DOCK3: variants seen among roughly 807,000 people sequenced by gnomAD.
DOCK3 encodes dedicator of cytokinesis protein 3.
DOCK3 carries 60 observed loss-of-function variants against 265.6 expected under a neutral mutation model. The observed-to-expected ratio is 0.23, with a 90% CI of 0.18 to 0.28. The LOEUF (loss-of-function observed/expected upper bound fraction) is 0.28. DOCK3 is among the 10% of genes least tolerant of loss of function. DOCK3 has a pLI of 1.00. For synonymous variants in DOCK3, 881 were observed against 938.0 expected, an observed-to-expected ratio of 0.94 and a Z score of 1.11; for missense variants, 1,981 against 2,594.3, an observed-to-expected ratio of 0.76 and a Z score of 5.14.
At chr3:50,982,957 G>T (rs879528153) in intron 5 of DOCK3, among the ~76,000 whole-genome samples, 4 of 152,178 alleles carry the variant, frequency 2.6e-5, no homozygotes, top group Non-Finnish European at 5.9e-5. Flanking sequence ...TGGGAAGACC[G>T]CTCATTCCCC....
At chr3:51,140,184 A>G (rs1247092659) in intron 9 of DOCK3, among the ~76,000 whole-genome samples, 1 of 152,170 alleles carries the variant, frequency 6.6e-6, no homozygotes, top group Admixed American at 6.5e-5. Context: ...TTATGCAACC[A>G]TTTCCACAGT....
At chr3:51,131,480 C>T (rs1263332035) in intron 9 of DOCK3, among the ~76,000 whole-genome samples, 1 of 152,102 alleles carries the variant, frequency 6.6e-6, no homozygotes, top group African/African-American at 2.4e-5. Flanking sequence ...GGTACCTGGC[C>T]TCCCTCCATT....
intron 2 of DOCK3, among the ~76,000 whole-genome samples, chr3:50,805,621 T>G (rs2043363311): frequency 6.6e-6 from 1 of 152,198 alleles, no homozygotes; most frequent in Non-Finnish European, 1.5e-5. Context: ...GACACAAGAC[T>G]TCTTGACTGA....
At chr3:51,100,772 C>A (rs1007696337) in intron 9 of DOCK3, among the ~76,000 whole-genome samples, 1 of 151,624 alleles carries the variant, frequency 6.6e-6, no homozygotes, top group Non-Finnish European at 1.5e-5. Flanking sequence ...GTTACTTCAA[C>A]AAAGCAATAG....
chr3:51,251,032 A>G (rs907424603), intron 22 of DOCK3, among the ~76,000 whole-genome samples: 25 of 151,956 alleles, frequency 1.6e-4, no homozygotes, highest in African/African-American at 5.1e-4. Flanking sequence ...CCCCAACCCC[A>G]CAACAGGCTC....
chr3:50,972,670 C>T (rs544844207), intron 5 of DOCK3, among the ~76,000 whole-genome samples: 45 of 152,292 alleles, frequency 3.0e-4, no homozygotes, highest in African/African-American at 8.7e-4. Flanking sequence ...CATGTGGGTG[C>T]GGAGAAATGT....
intron 1 of DOCK3, among the ~76,000 whole-genome samples, chr3:50,736,661 G>A (rs2038643499): frequency 1.3e-5 from 2 of 150,402 alleles, no homozygotes; most frequent in Admixed American, 1.3e-4. Context: ...CTGATGATGA[G>A]CATTTTTTCA....
At chr3:50,902,105 C>T (rs184940189) in intron 4 of DOCK3, among the ~76,000 whole-genome samples, 24 of 151,908 alleles carry the variant, frequency 1.6e-4, no homozygotes, top group Admixed American at 8.5e-4. Flanking sequence ...GTTTAAGTTC[C>T]TTGTAGATTC....
Position 51,310,216 on chromosome 3 carries a change from T to G in DOCK3, c.2923-16T>G. 2 of 1,581,354 alleles carry G rather than the reference T, an allele frequency of 1.3e-6. No homozygotes were observed. Among genetic ancestry groups the G allele is most frequent in the Non-Finnish European group, 8.6e-7 (1 of 1,162,218 alleles). On this transcript the variant is annotated splice_polypyrimidine_tract_variant and intron_variant, in intron 27 of 52. Transcript: ENST00000266037. ...TGTGGTGGTGGTGTCTCACATCAGC[T>G]TTCCTCTGCTGTCAGGAATTTCTGC...
chr3:50,951,434 A>G (rs922957025), intron 5 of DOCK3, among the ~76,000 whole-genome samples: 3 of 151,948 alleles, frequency 2.0e-5, no homozygotes, highest in Admixed American at 2.0e-4. Context: ...AAAAACCAGT[A>G]TTTTTTTCCA....
chr3:50,905,501 G>A (rs946633332), intron 4 of DOCK3, among the ~76,000 whole-genome samples: 1 of 151,970 alleles, frequency 6.6e-6, no homozygotes, highest in African/African-American at 2.4e-5. Context: ...TGTATTCCTA[G>A]GTATTTTATT....
intron 27 of DOCK3, among the ~76,000 whole-genome samples, chr3:51,289,323 T>C (rs890124738): frequency 1.3e-5 from 2 of 152,178 alleles, no homozygotes; most frequent in Non-Finnish European, 2.9e-5. Context: ...ATAGAGTTTC[T>C]TTATGCAATC....
At chr3:51,129,646 C>T (rs1159755674) in intron 9 of DOCK3, among the ~76,000 whole-genome samples, 2 of 152,142 alleles carry the variant, frequency 1.3e-5, no homozygotes, top group African/African-American at 2.4e-5. Context: ...TCAGTTTCCA[C>T]CAAAGCCCAG....
intron 5 of DOCK3, among the ~76,000 whole-genome samples, chr3:50,970,206 ATT>A (rs2077158208): frequency 6.6e-6 from 1 of 152,124 alleles, no homozygotes; most frequent in African/African-American, 2.4e-5. Flanking sequence ...ATATGCTTTT[ATT>A]TTGCTGATTT....
chr3:51,037,956 A>G (rs1342393268), intron 5 of DOCK3, among the ~76,000 whole-genome samples: 1 of 152,208 alleles, frequency 6.6e-6, no homozygotes, highest in East Asian at 1.9e-4. Context: ...ATTGAAACAT[A>G]GAAAAAAGAA....
At chr3:50,686,496 A>G (rs6796769) in intron 1 of DOCK3, among the ~76,000 whole-genome samples, 118,928 of 152,172 alleles carry the variant, frequency 0.78, 47,563 homozygotes, top group Middle Eastern at 0.89. Context: ...TCGTGGATCT[A>G]TTCCTTCCCA....
intron 2 of DOCK3, among the ~76,000 whole-genome samples, chr3:50,819,087 G>T (rs73833886): frequency 0.025 from 3,777 of 152,220 alleles, 181 homozygotes; most frequent in African/African-American, 0.087. Flanking sequence ...GAGTTTGTTG[G>T]TTTTTTCTCC....
rs59370167 is a variant in DOCK3 at position 50,807,249 on chromosome 3, CTTTTTTTT to C, written c.121+28507_121+28514del. 6.1e-3 allele frequency among the ~76,000 whole-genome samples: 880 copies of C among 144,466 alleles called. 4 individuals are homozygous for C. The highest frequency in any genetic ancestry group is 0.01 in the Non-Finnish European group (668 of 66,374). 94.8% of individuals were successfully genotyped at this position (144,466 alleles called of 152,430 possible). On this transcript the variant is annotated intron_variant, in intron 2 of 52. Coordinates refer to ENST00000266037, the MANE Select transcript of DOCK3 (RefSeq NM_004947.5). The stretch of plus-strand genomic sequence containing the variant: ...GTCAGCCATCTTGCTCTGCCACGCT[CTTTTTTTT>C]TTTTTTTTTTTTTTTGGAGACAGGA...
intron 9 of DOCK3, among the ~76,000 whole-genome samples, chr3:51,093,589 G>T (rs1347688266): frequency 6.6e-6 from 1 of 152,186 alleles, no homozygotes; most frequent in Non-Finnish European, 1.5e-5. Context: ...GGGCTGAGAC[G>T]ATGGGGTTTT....
Sources: gnomAD v4.1 joint callset for allele counts (sites outside exome capture counted in the v4.1 genomes callset) on GRCh38, gnomAD v4.1.1 for gene constraint, MANE v1.5 for transcripts, NCBI Gene and HGNC (gene_info 2026-07-23, HGNC 2026-07-21) for gene names.